Variants in SLC12A7 observed in about 807,000 individuals in gnomAD.
The protein encoded by SLC12A7 is K-Cl cotransporter 4.
SLC12A7 carries 100 observed loss-of-function variants against 120.6 expected under a neutral mutation model. That is an observed-to-expected ratio of 0.83 (90% CI 0.71 to 0.98). The LOEUF (loss-of-function observed/expected upper bound fraction) is 0.98, where lower values mean the gene tolerates loss of function less well. SLC12A7 is among the 50% of genes least tolerant of loss of function. The pLI is 0.00. For missense variants in SLC12A7, 1,373 were observed against 1,548.1 expected, an observed-to-expected ratio of 0.89 and a Z score of 1.90; for synonymous variants, 760 against 678.0, an observed-to-expected ratio of 1.12 and a Z score of -1.88.
chr5:1,058,762 C>T (rs755037069), intron 21 of SLC12A7, among the ~76,000 whole-genome samples: 4 of 152,240 alleles, frequency 2.6e-5, no homozygotes, highest in Admixed American at 6.5e-5. Context: ...TTCCCATGGC[C>T]TTGAACGTGA....
rs368690734 is a variant in SLC12A7 at position 1,099,752 on chromosome 5, C to T, written c.125-5504G>A. Among the ~76,000 whole-genome samples, 109 of 152,308 alleles carry T rather than the reference C, an allele frequency of 7.2e-4. 2 individuals carry two copies. The South Asian group carries it at 0.021, about 29-fold the overall frequency. ...CCACCACAGCTTAGAAAGGCTGACT[C>T]GGGAATCTCAGTTTGCGCCAAGCTC... On this transcript the variant is annotated intron_variant, in intron 1 of 23. Transcript: ENST00000264930.
At chr5:1,097,225 C>A (rs1234315959) in intron 1 of SLC12A7, among the ~76,000 whole-genome samples, 1 of 152,156 alleles carries the variant, frequency 6.6e-6, no homozygotes, top group Non-Finnish European at 1.5e-5. Flanking sequence ...ACGAACTGTA[C>A]AAGTAGGAAA....
intron 3 of SLC12A7, among the ~76,000 whole-genome samples, chr5:1,093,227 A>G (rs539530688): frequency 2.6e-5 from 4 of 152,296 alleles, no homozygotes; most frequent in African/African-American, 9.6e-5. Context: ...ACTCCTCTCC[A>G]CAGCAGGGGA....
At chr5:1,099,460 CG>C (rs1336437046) in intron 1 of SLC12A7, among the ~76,000 whole-genome samples, 2 of 142,020 alleles carry the variant, frequency 1.4e-5, no homozygotes, top group African/African-American at 6.2e-5. Context: ...CCACCTCCTC[CG>C]GGGGACGGCA....
chr5:1,120,449 C>T, the SLC12A7 span, among the ~76,000 whole-genome samples: 93,993 of 151,826 alleles, frequency 0.62, 29,248 homozygotes, highest in African/African-American at 0.65. Context: ...GGACGCGCGC[C>T]GTCGGCAGTG....
chr5:1,061,463 G>A (rs1736259389), intron 20 of SLC12A7, among the ~76,000 whole-genome samples: 1 of 77,410 alleles, frequency 1.3e-5, no homozygotes, highest in South Asian at 5.2e-4. Flanking sequence ...GGATCCCTGA[G>A]TCTCACCCGC....
the SLC12A7 span, among the ~76,000 whole-genome samples, chr5:1,118,957 C>A: frequency 6.6e-6 from 1 of 152,148 alleles, no homozygotes; most frequent in Non-Finnish European, 1.5e-5. Context: ...CCACACTGAG[C>A]ACCCAGAGCC....
chr5:1,073,759 G>A lies in SLC12A7; in HGVS notation c.2115C>T (p.Ala705=), dbSNP rs373840916. The change falls in exon 17 of 24, where the codon GCC becomes GCT. Residue 705 remains alanine (A), a synonymous_variant. Transcript: ENST00000264930. ...LVMLNLDAEQ[A]VKHPRLLSFT... is the part of the protein sequence containing the mutation. The stretch of plus-strand genomic sequence containing the variant: ...AGGACAGCAGGCGGGGGTGCTTCAC[G>A]GCCTGCTCCGCGTCCAGGTTCAGCA... 4.6e-5 allele frequency: 70 copies of A among 1,523,034 alleles called. No homozygotes were observed. The highest frequency in any genetic ancestry group is 2.3e-4 in the African/African-American group (16 of 70,904). The allele number at this position is 1,523,034 out of a possible 1,614,324, so 94.3% of individuals were successfully genotyped here. A position where few individuals can be genotyped will look rare whatever the true frequency, so the allele number is the denominator to read the frequency against.
Position 1,085,308 on chromosome 5 carries a change from G to A in SLC12A7, c.841C>T (p.Leu281=), listed in dbSNP as rs773259792. Residue 281 remains leucine (L), a synonymous_variant, in exon 7 of 24, where the codon CTG becomes TTG. Transcript: ENST00000264930. ...AGGATGGACAGCACGACGCAGGCCAGGAAGACCAGCGCCAGCTTGTTGACA... is the reference window on the plus strand; with the variant it reads ...AGGATGGACAGCACGACGCAGGCCAAGAAGACCAGCGCCAGCTTGTTGACA... ...KYVNKLALVF[L]ACVVLSILAI... 9 of 1,612,552 alleles carry A rather than the reference G, an allele frequency of 5.6e-6. No homozygotes were observed. The highest frequency in any genetic ancestry group is 7.6e-6 in the Non-Finnish European group (9 of 1,179,824).
Position 1,050,606 on chromosome 5 carries a change from G to T in SLC12A7, c.*1754C>A. On this transcript the variant is annotated 3_prime_UTR_variant, in exon 24 of 24. Transcript: ENST00000264930. ...CAGAACTGAGCGGCCCTCAGAAGCAGGGCTGTTTTCCAGCCACCAACCAAC... is the reference window on the plus strand; with the variant it reads ...CAGAACTGAGCGGCCCTCAGAAGCATGGCTGTTTTCCAGCCACCAACCAAC... The T allele has an allele frequency of 2.7e-6, 1 of 363,844 alleles. No individual in the cohort carries two copies. The highest frequency in any genetic ancestry group is 4.9e-6 in the Non-Finnish European group (1 of 204,694). 22.5% of individuals were successfully genotyped at this position (363,844 alleles called of 1,614,324 possible).
the SLC12A7 span, among the ~76,000 whole-genome samples, chr5:1,137,878 G>A: frequency 2.0e-5 from 3 of 152,230 alleles, no homozygotes; most frequent in Non-Finnish European, 4.4e-5. Flanking sequence ...GGAGAATCAT[G>A]GATGTCGGCG....
chr5:1,148,238 G>A, the SLC12A7 span, among the ~76,000 whole-genome samples: 15 of 118,150 alleles, frequency 1.3e-4, no homozygotes, highest in East Asian at 1.7e-3. Context: ...ATGGCGTCTC[G>A]CTCTGTCACC....
At chr5:1,065,150 G>C in intron 18 of SLC12A7, 133 bp downstream of exon 18, 2 of 762,524 alleles carry the variant, frequency 2.6e-6, no homozygotes, top group Non-Finnish European at 4.1e-6. Flanking sequence ...CAAGGGGACA[G>C]TGGGGACGAA....
At chr5:1,141,651 A>AT in the SLC12A7 span, among the ~76,000 whole-genome samples, 5 of 152,162 alleles carry the variant, frequency 3.3e-5, no homozygotes, top group Admixed American at 6.5e-5. Flanking sequence ...TTAAGTTAAA[A>AT]TTTTTTTTAA....
chr5:1,129,545 C>A, the SLC12A7 span, among the ~76,000 whole-genome samples: 4 of 152,264 alleles, frequency 2.6e-5, no homozygotes, highest in Admixed American at 2.6e-4. Flanking sequence ...AGGGAAACCA[C>A]AGCGTCCCAG....
At chr5:1,096,732 G>A (rs1741199265) in intron 1 of SLC12A7, among the ~76,000 whole-genome samples, 1 of 39,140 alleles carries the variant, frequency 2.6e-5, no homozygotes, top group South Asian at 1.6e-3. Flanking sequence ...AAGGAGGGAG[G>A]GGGGAAGGGA....
intron 9 of SLC12A7, among the ~76,000 whole-genome samples, chr5:1,080,514 G>T (rs1738923565): frequency 6.6e-6 from 1 of 152,366 alleles, no homozygotes; most frequent in African/African-American, 2.4e-5. Flanking sequence ...AGGGCTTTCG[G>T]ATGTGCTGAG....
At chr5:1,117,810 G>A in the SLC12A7 span, among the ~76,000 whole-genome samples, 6 of 152,220 alleles carry the variant, frequency 3.9e-5, no homozygotes, top group Admixed American at 1.3e-4. This position sits in a 1 kb window ranked among gnomAD's most constrained non-coding sequence, Gnocchi z 4.5. Flanking sequence ...GGTAGCTCAC[G>A]CCTGTAGTCC....
chr5:1,108,148 G>C (rs924012554), intron 1 of SLC12A7, among the ~76,000 whole-genome samples: 1 of 152,252 alleles, frequency 6.6e-6, no homozygotes, highest in African/African-American at 2.4e-5. Context: ...TGGCTCACAC[G>C]TGGATACACC....
Sources: gnomAD v4.1 joint callset for allele counts (sites outside exome capture counted in the v4.1 genomes callset) on GRCh38, gnomAD v4.1.1 for gene constraint, Gnocchi (gnomAD v3.1) non-coding constraint, MANE v1.5 for transcripts, NCBI Gene and HGNC (gene_info 2026-07-23, HGNC 2026-07-21) for gene names.